The following TBC1D4 variants were observed in gnomAD, a reference collection of about 807,000 sequenced individuals.
TBC1D4 encodes the protein TBC1 domain family member 4.
A neutral mutation model predicts 142.5 loss-of-function variants in TBC1D4; 121 were observed. The ratio of observed to expected loss-of-function variants is 0.85; its 90% CI spans 0.73 to 0.99. The LOEUF (loss-of-function observed/expected upper bound fraction) is 0.99. TBC1D4 is among the 50% of genes least tolerant of loss of function. The pLI, the probability that TBC1D4 is intolerant of heterozygous loss-of-function variation, is 0.00. For missense variants in TBC1D4, 1,475 were observed against 1,606.6 expected (o/e 0.92, Z 1.40); for synonymous variants, 630 against 628.2 (o/e 1.00, Z -0.04).
chr13:75,352,926 G>C (rs1379313015), intron 4 of TBC1D4, among the ~76,000 whole-genome samples: 1 of 152,150 alleles, frequency 6.6e-6, no homozygotes, highest in Non-Finnish European at 1.5e-5. Context: ...TGTATCAGCT[G>C]CTTAAGCCAT....
chr13:75,403,247 G>A (rs1428482482), intron 1 of TBC1D4, among the ~76,000 whole-genome samples: 1 of 152,202 alleles, frequency 6.6e-6, no homozygotes, highest in Non-Finnish European at 1.5e-5. Flanking sequence ...TTTATTTTTA[G>A]GGGAAAAGTG....
Position 75,309,997 on chromosome 13 carries a change from A to T in TBC1D4, c.2538T>A (p.Ala846=). The T allele has an allele frequency of 1.2e-6, 2 of 1,614,168 alleles. No individual in the cohort carries two copies. The highest frequency in any genetic ancestry group is 1.7e-6 in the Non-Finnish European group (2 of 1,180,000). Residue 846 remains alanine, a synonymous_variant, in exon 14 of 21, where the codon GCT becomes GCA. Coordinates refer to ENST00000377636, the MANE Select transcript of TBC1D4 (RefSeq NM_014832.5). ...GAAGTAACAAGATTTGTTGGTGTAT[A>T]GCTTTTCTCCACAAGCTCCTCAGTT... The part of the protein sequence containing the change: ...SKELRSLWRK[A]IHQQILLLRM...
intron 1 of TBC1D4, among the ~76,000 whole-genome samples, chr13:75,395,778 C>T (rs1415559527): frequency 6.6e-6 from 1 of 151,850 alleles, no homozygotes; most frequent in African/African-American, 2.4e-5. Context: ...GGCAGTGAGC[C>T]GAGATCGTAC....
intron 1 of TBC1D4, among the ~76,000 whole-genome samples, chr13:75,413,136 TGACCAC>T (rs1366187744): frequency 6.6e-6 from 1 of 152,004 alleles, no homozygotes; most frequent in African/African-American, 2.4e-5. Flanking sequence ...AGGTCAAAGG[TGACCAC>T]TCAGAAACAC....
At position 75,422,633 on chromosome 13, in the gene TBC1D4, A is replaced by G. The variant is rs193152070; in HGVS notation, c.498+58637T>C. Among the ~76,000 whole-genome samples the G allele has an allele frequency of 2.5e-3, 374 of 152,288 alleles. 3 individuals are homozygous for G. Among genetic ancestry groups the G allele is most frequent in the African/African-American group, 8.6e-3 (359 of 41,568 alleles). On this transcript the variant is annotated intron_variant, in intron 1 of 20. Coordinates refer to ENST00000377636, the MANE Select transcript of TBC1D4 (RefSeq NM_014832.5). ...ACTGCTGTATTTTTGTTACTTGTTT[A>G]TTGAATTCACTTTTATGATAGTGCC...
At chr13:75,372,682 A>C (rs1883286671) in intron 1 of TBC1D4, among the ~76,000 whole-genome samples, 1 of 152,210 alleles carries the variant, frequency 6.6e-6, no homozygotes, top group Non-Finnish European at 1.5e-5. Flanking sequence ...AATTTTTTTA[A>C]AGGTTCTCAC....
chr13:75,405,269 C>CT (rs5804811), intron 1 of TBC1D4, among the ~76,000 whole-genome samples: 36,823 of 126,548 alleles, frequency 0.29, 6,236 homozygotes, highest in East Asian at 0.35. Flanking sequence ...TGTATATATG[C>CT]TTTTTTTTTT....
chr13:75,338,287 G>GA lies in TBC1D4; in HGVS notation c.1612-1248dup, dbSNP rs145261843. 1.1e-3 allele frequency among the ~76,000 whole-genome samples: 165 copies of GA among 144,334 alleles called. 1 individual carries two copies. In the South Asian group the frequency reaches 0.023, roughly 20 times the overall value. 94.7% of individuals were successfully genotyped at this position (144,334 alleles called of 152,430 possible). A position where few individuals can be genotyped will look rare whatever the true frequency, so the allele number is the denominator to read the frequency against. On this transcript the variant is annotated intron_variant, in intron 7 of 20. Transcript: ENST00000377636. ...GCCCCACCAAGAAAGGAAAGGAGAGGAAAAAAAAAACAATGGGTATACATG... is the reference window on the plus strand; with the variant it reads ...GCCCCACCAAGAAAGGAAAGGAGAGGAAAAAAAAAAACAATGGGTATACATG...
intron 12 of TBC1D4, among the ~76,000 whole-genome samples, chr13:75,319,224 C>T (rs978950204): frequency 6.6e-6 from 1 of 152,202 alleles, no homozygotes; most frequent in East Asian, 1.9e-4. Context: ...TTGAACATCT[C>T]AGTCTAGTGC....
chr13:75,468,529 A>AG (rs1236189985), intron 1 of TBC1D4, among the ~76,000 whole-genome samples: 1 of 148,736 alleles, frequency 6.7e-6, no homozygotes, highest in Admixed American at 6.8e-5. Flanking sequence ...TTTGATCAGG[A>AG]GGGAAAAAAA....
chr13:75,396,714 A>C (rs1213043022), intron 1 of TBC1D4, among the ~76,000 whole-genome samples: 3 of 152,202 alleles, frequency 2.0e-5, no homozygotes, highest in African/African-American at 7.2e-5. Context: ...ATATAAGATC[A>C]GAAAACAAAT....
intron 1 of TBC1D4, among the ~76,000 whole-genome samples, chr13:75,412,662 G>C (rs1885730224): frequency 6.6e-6 from 1 of 152,046 alleles, no homozygotes; most frequent in Admixed American, 6.5e-5. Context: ...AAACTAAATT[G>C]ATTCCACAAT....
intron 1 of TBC1D4, among the ~76,000 whole-genome samples, chr13:75,363,540 C>T (rs1882702169): frequency 6.6e-6 from 1 of 152,212 alleles, no homozygotes; most frequent in Non-Finnish European, 1.5e-5. Context: ...AACTCCCTCC[C>T]TGCTTTGAGT....
chr13:75,304,595 G>A lies in TBC1D4; in HGVS notation c.2752+1718C>T, dbSNP rs144595611. 3.9e-5 allele frequency among the ~76,000 whole-genome samples: 6 copies of A among 152,302 alleles called. No individual in the cohort carries two copies. The East Asian group carries it at 5.8e-4, about 15-fold the overall frequency. On this transcript the variant is annotated intron_variant, in intron 15 of 20. Transcript: ENST00000377636. ...ACAATGAACTGATTTTGGTCGGGGGGCAGGGGTGGTGCTCTGAGGAAATGG... is the reference window on the plus strand; with the variant it reads ...ACAATGAACTGATTTTGGTCGGGGGACAGGGGTGGTGCTCTGAGGAAATGG...
At chr13:75,391,483 C>T (rs1884487140) in intron 1 of TBC1D4, among the ~76,000 whole-genome samples, 1 of 152,178 alleles carries the variant, frequency 6.6e-6, no homozygotes, top group African/African-American at 2.4e-5. Context: ...ATATTAGACC[C>T]ATGGAGTACA....
At chr13:75,440,408 T>C (rs1015263476) in intron 1 of TBC1D4, among the ~76,000 whole-genome samples, 13 of 151,894 alleles carry the variant, frequency 8.6e-5, no homozygotes, top group African/African-American at 2.9e-4. Context: ...AGTGAAGTAA[T>C]TGACACAGTT....
In TBC1D4 at chr13:75,481,257, G is replaced by GC; in HGVS notation, c.498+12dup. On this transcript the variant is annotated intron_variant, in intron 1 of 20. Transcript: ENST00000377636. ...GCCGAGCCCGCCCCCGCGCCTCCGA[G>GC]CCCCTGTCTTGCCTGGCTGGGGTCT... 1 of 1,551,436 alleles carries GC rather than the reference G, an allele frequency of 6.4e-7. No homozygotes were observed. Among genetic ancestry groups the GC allele is most frequent in the African/African-American group, 1.4e-5 (1 of 72,980 alleles).
chr13:75,329,261 A>T lies in TBC1D4; in HGVS notation c.1732-1435T>A, dbSNP rs537884527. 2.4e-4 allele frequency among the ~76,000 whole-genome samples: 36 copies of T among 152,244 alleles called. No homozygotes were observed. In the South Asian group the frequency reaches 7.5e-3, roughly 32 times the overall value. Reference sequence around the variant, plus strand: ...TATTTTACTATGATTATGTCTGCTTACACCTCATATCTTATATATTTTGTT... The same window carrying T: ...TATTTTACTATGATTATGTCTGCTTTCACCTCATATCTTATATATTTTGTT... On this transcript the variant is annotated intron_variant, in intron 8 of 20. Coordinates refer to ENST00000377636, the MANE Select transcript of TBC1D4 (RefSeq NM_014832.5).
At position 75,362,274 on chromosome 13, in the gene TBC1D4, G is replaced by A. The variant is rs1555310734; in HGVS notation, c.832C>T (p.Leu278Phe). 2.5e-6 allele frequency: 4 copies of A among 1,613,704 alleles called. No individual in the cohort carries two copies. The highest frequency in any genetic ancestry group is 3.4e-6 in the Non-Finnish European group (4 of 1,179,986). The change falls in exon 2 of 21, where the codon CTT becomes TTT. Residue 278 changes from leucine (L) to phenylalanine (F), a missense_variant. Coordinates refer to ENST00000377636, the MANE Select transcript of TBC1D4 (RefSeq NM_014832.5). The surrounding 1 kb of genome is among the most constrained non-coding windows in gnomAD (Gnocchi z 4.2). The part of the protein sequence containing the change: ...PEEADGTDTH[L>F]GLPAGASQPA... The stretch of plus-strand genomic sequence containing the variant: ...TGGCTGGCCCCGGCAGGTAAGCCAA[G>A]GTGGGTGTCGGTGCCGTCAGCCTCC...
Sources: gnomAD v4.1 joint callset for allele counts (sites outside exome capture counted in the v4.1 genomes callset) on GRCh38, gnomAD v4.1.1 for gene constraint, Gnocchi (gnomAD v3.1) non-coding constraint, MANE v1.5 for transcripts, NCBI Gene and HGNC (gene_info 2026-07-23, HGNC 2026-07-21) for gene names.